The following THSD7B variants were observed in gnomAD, a reference collection of about 807,000 sequenced individuals.
THSD7B encodes the protein thrombospondin type 1 domain containing 7B, also known as thrombospondin type-1 domain-containing protein 7B.
Under a neutral mutation model 213.6 loss-of-function variants are expected in THSD7B, and 138 were observed. The observed-to-expected ratio is 0.65, with a 90% CI of 0.56 to 0.74. The LOEUF (loss-of-function observed/expected upper bound fraction) is 0.74. Among genes scored for constraint, THSD7B ranks in the 30% least tolerant of loss-of-function variants. THSD7B has a pLI of 0.00. For synonymous variants in THSD7B, 742 were observed against 687.0 expected (o/e 1.08, Z -1.25); for missense variants, 1,931 against 1,991.5 (o/e 0.97, Z 0.58).
intron 4 of THSD7B, among the ~76,000 whole-genome samples, chr2:137,111,778 A>T (rs1298564196): frequency 6.6e-6 from 1 of 152,200 alleles, no homozygotes; most frequent in Admixed American, 6.5e-5. Context: ...CACGTTGGTA[A>T]GGGGCTATGG....
At chr2:137,506,240 A>T (rs887479335) in intron 15 of THSD7B, among the ~76,000 whole-genome samples, 2 of 152,182 alleles carry the variant, frequency 1.3e-5, no homozygotes, top group African/African-American at 4.8e-5. Context: ...TAACACAGTC[A>T]TTGGCTTTGT....
intron 2 of THSD7B, among the ~76,000 whole-genome samples, chr2:136,957,439 T>G (rs781214574): frequency 0.17 from 11,108 of 63,736 alleles, 660 homozygotes; most frequent in African/African-American, 0.22. Context: ...AATACAACGT[T>G]TTTTTTTTTT....
chr2:137,474,578 G>A (rs937510541), intron 15 of THSD7B, among the ~76,000 whole-genome samples: 5 of 152,282 alleles, frequency 3.3e-5, no homozygotes, highest in Admixed American at 6.5e-5. Flanking sequence ...AGACACATCA[G>A]GTGGCAGTCA....
At chr2:136,888,743 C>T (rs1683764209) in intron 2 of THSD7B, among the ~76,000 whole-genome samples, 1 of 151,962 alleles carries the variant, frequency 6.6e-6, no homozygotes, top group Non-Finnish European at 1.5e-5. Context: ...TCCATCTTAC[C>T]TAAATTGCAT....
At chr2:137,001,182 T>C (rs1471766994) in intron 2 of THSD7B, among the ~76,000 whole-genome samples, 2 of 152,168 alleles carry the variant, frequency 1.3e-5, no homozygotes, top group South Asian at 2.1e-4. Flanking sequence ...GAGACGATAA[T>C]GATACTTCTA....
intron 1 of THSD7B, among the ~76,000 whole-genome samples, chr2:136,855,602 A>ATTAT (rs1553453364): frequency 0.011 from 209 of 19,338 alleles, 2 homozygotes; most frequent in Middle Eastern, 0.038. Context: ...TTATTTATTT[A>ATTAT]TTATTTATTT....
At chr2:137,081,860 G>C (rs1687752925) in intron 3 of THSD7B, among the ~76,000 whole-genome samples, 1 of 152,068 alleles carries the variant, frequency 6.6e-6, no homozygotes, top group African/African-American at 2.4e-5. Context: ...TCTTTTGTGA[G>C]GTTTGATTTA....
intron 1 of THSD7B, among the ~76,000 whole-genome samples, chr2:136,775,214 T>C (rs1681577831): frequency 6.6e-6 from 1 of 152,154 alleles, no homozygotes; most frequent in Non-Finnish European, 1.5e-5. Context: ...TCAACAGGTA[T>C]GTATTGAATT....
At chr2:137,246,216 G>A (rs1222800807) in intron 10 of THSD7B, among the ~76,000 whole-genome samples, 1 of 152,118 alleles carries the variant, frequency 6.6e-6, no homozygotes, top group Admixed American at 6.5e-5. Context: ...GAAGACAGAA[G>A]AACTCCTTTT....
At chr2:137,391,677 A>T in intron 12 of THSD7B, among the ~76,000 whole-genome samples, 1 of 146,434 alleles carries the variant, frequency 6.8e-6, no homozygotes. Flanking sequence ...ACAGAGTGAC[A>T]TTCGGTCTCA....
At chr2:137,376,968 C>T (rs1685670791) in intron 12 of THSD7B, among the ~76,000 whole-genome samples, 1 of 152,152 alleles carries the variant, frequency 6.6e-6, no homozygotes. Flanking sequence ...GGAAAAAGAA[C>T]ACTCATTTAA....
chr2:137,073,073 G>A (rs1305945801), intron 3 of THSD7B, among the ~76,000 whole-genome samples: 1 of 151,942 alleles, frequency 6.6e-6, no homozygotes, highest in African/African-American at 2.4e-5. Flanking sequence ...CTCTTTTTTT[G>A]TTGTGTCTCT....
intron 3 of THSD7B, among the ~76,000 whole-genome samples, chr2:137,057,987 T>C (rs993193543): frequency 6.6e-6 from 1 of 152,250 alleles, no homozygotes; most frequent in Non-Finnish European, 1.5e-5. Flanking sequence ...GAAGCATTTG[T>C]GTATTACTAA....
chr2:137,501,742 C>T (rs892957521), intron 15 of THSD7B, among the ~76,000 whole-genome samples: 3 of 152,148 alleles, frequency 2.0e-5, no homozygotes, highest in Admixed American at 6.5e-5. Context: ...AGAAAATTGC[C>T]TATGATTTAC....
chr2:137,097,361 A>T (rs1033705046), intron 4 of THSD7B, among the ~76,000 whole-genome samples: 3 of 152,170 alleles, frequency 2.0e-5, no homozygotes, highest in African/African-American at 7.2e-5. Flanking sequence ...GTTGGCCAAT[A>T]ATTATAGCAG....
chr2:137,432,772 G>T (rs913908401), intron 14 of THSD7B, among the ~76,000 whole-genome samples: 4 of 151,974 alleles, frequency 2.6e-5, no homozygotes, highest in Non-Finnish European at 5.9e-5. Flanking sequence ...TCTTTTTAAG[G>T]TGGACTTCTA....
intron 2 of THSD7B, among the ~76,000 whole-genome samples, chr2:137,045,881 G>A (rs1686959063): frequency 6.6e-6 from 1 of 152,248 alleles, no homozygotes; most frequent in African/African-American, 2.4e-5. Flanking sequence ...AACAGGCATT[G>A]CAAAAGGATT....
chr2:137,279,662 G>C (rs1212365472), intron 12 of THSD7B, among the ~76,000 whole-genome samples: 1 of 152,130 alleles, frequency 6.6e-6, no homozygotes, highest in Non-Finnish European at 1.5e-5. Flanking sequence ...TTGGGGAAGG[G>C]AGGAGGAAGG....
At chr2:136,842,022 T>C (rs952466909) in intron 1 of THSD7B, among the ~76,000 whole-genome samples, 1 of 152,262 alleles carries the variant, frequency 6.6e-6, no homozygotes, top group South Asian at 2.1e-4. Flanking sequence ...GTGTATGGAA[T>C]GTCATACCTA....
Sources: allele counts gnomAD v4.1 joint callset (sites outside exome capture counted in the v4.1 genomes callset), GRCh38; gene constraint gnomAD v4.1.1; transcripts MANE v1.5; gene names NCBI Gene and HGNC (gene_info 2026-07-23, HGNC 2026-07-21).